Variants in KCNN2 observed in about 807,000 individuals in gnomAD.
The protein encoded by KCNN2 is potassium calcium-activated channel subfamily N member 2, also known as small conductance calcium-activated potassium channel protein 2.
Under a neutral mutation model 55.5 loss-of-function variants are expected in KCNN2, and 24 were observed. That is an observed-to-expected ratio of 0.43 (90% CI 0.31 to 0.61). KCNN2 has a LOEUF of 0.61. KCNN2 is among the 20% of genes least tolerant of loss of function. The pLI is 0.08. For synonymous variants in KCNN2, 431 were observed against 336.1 expected (o/e 1.28, Z -3.09); for missense variants, 754 against 853.6 (o/e 0.88, Z 1.45).
intron 1 of KCNN2, among the ~76,000 whole-genome samples, chr5:114,126,565 G>T (rs946205948): frequency 2.0e-5 from 3 of 152,114 alleles, no homozygotes; most frequent in Non-Finnish European, 4.4e-5. Flanking sequence ...GGCACATGGG[G>T]ATTATGGGAA....
chr5:114,336,545 C>T (rs10519381), intron 2 of KCNN2, among the ~76,000 whole-genome samples: 45,105 of 152,010 alleles, frequency 0.3, 7,028 homozygotes, highest in Non-Finnish European at 0.35. Context: ...TATACCAACA[C>T]TCACAAGCCT....
At chr5:114,302,453 G>C (rs1756185211) in intron 2 of KCNN2, among the ~76,000 whole-genome samples, 1 of 152,078 alleles carries the variant, frequency 6.6e-6, no homozygotes, top group Non-Finnish European at 1.5e-5. Flanking sequence ...TCTCCATCTA[G>C]TAGGAGAGCT....
chr5:114,393,768 A>G (rs1580784729), intron 2 of KCNN2, among the ~76,000 whole-genome samples: 2 of 151,874 alleles, frequency 1.3e-5, no homozygotes, highest in Admixed American at 1.3e-4. Context: ...AAATAATAGC[A>G]TGTACTTTGC....
chr5:114,158,466 G>T (rs1454769021), intron 1 of KCNN2, among the ~76,000 whole-genome samples: 2 of 152,054 alleles, frequency 1.3e-5, no homozygotes, highest in Non-Finnish European at 2.9e-5. Context: ...TTTTGGCTTA[G>T]GATTGACTTG....
chr5:114,315,200 G>C (rs1756475981), intron 2 of KCNN2, among the ~76,000 whole-genome samples: 1 of 152,062 alleles, frequency 6.6e-6, no homozygotes, highest in Admixed American at 6.6e-5. Context: ...TGTGTTGTGG[G>C]TTATGTTTCT....
intron 2 of KCNN2, among the ~76,000 whole-genome samples, chr5:114,304,429 C>G (rs1756227970): frequency 6.6e-6 from 1 of 152,170 alleles, no homozygotes; most frequent in Non-Finnish European, 1.5e-5. Flanking sequence ...GCTACTGAGC[C>G]TACCCACCCT....
chr5:114,082,871 A>C (rs187925542), intron 1 of KCNN2, among the ~76,000 whole-genome samples: 3 of 152,270 alleles, frequency 2.0e-5, no homozygotes, highest in Middle Eastern at 3.4e-3. Flanking sequence ...AATCATAGCC[A>C]CAGAAAGTAG....
intron 1 of KCNN2, among the ~76,000 whole-genome samples, chr5:114,109,511 T>G (rs1751552181): frequency 1.3e-5 from 2 of 152,034 alleles, no homozygotes; most frequent in African/African-American, 4.8e-5. Flanking sequence ...TCAACTAGTT[T>G]CAGGGATGAT....
chr5:114,177,148 T>TA (rs1034443902), intron 1 of KCNN2, among the ~76,000 whole-genome samples: 16 of 151,580 alleles, frequency 1.1e-4, no homozygotes, highest in Non-Finnish European at 4.4e-5. Flanking sequence ...CTGGTTTTTT[T>TA]TTTTTTTGAA....
intron 1 of KCNN2, among the ~76,000 whole-genome samples, chr5:114,194,240 A>G (rs1299928354): frequency 6.6e-6 from 1 of 152,128 alleles, no homozygotes; most frequent in African/African-American, 2.4e-5. Context: ...TGAGTTTTAT[A>G]GTAACTATTT....
At chr5:114,137,047 G>A (rs1157940498) in intron 1 of KCNN2, among the ~76,000 whole-genome samples, 2 of 152,028 alleles carry the variant, frequency 1.3e-5, no homozygotes, top group African/African-American at 4.8e-5. Context: ...GATAGAAACT[G>A]CTTTCATCTT....
intron 1 of KCNN2, among the ~76,000 whole-genome samples, chr5:114,067,773 T>G (rs1308591491): frequency 6.6e-6 from 1 of 152,216 alleles, no homozygotes; most frequent in Non-Finnish European, 1.5e-5. Context: ...GAATTTGATT[T>G]CTGTTTCATT....
intron 2 of KCNN2, among the ~76,000 whole-genome samples, chr5:114,281,141 C>T (rs1022539709): frequency 6.6e-6 from 1 of 152,084 alleles, no homozygotes; most frequent in Non-Finnish European, 1.5e-5. Flanking sequence ...CAGGTTTTGC[C>T]TTCCTAACAA....
intron 2 of KCNN2, among the ~76,000 whole-genome samples, chr5:114,282,385 A>G (rs1013244821): frequency 2.6e-5 from 4 of 152,256 alleles, no homozygotes; most frequent in South Asian, 2.1e-4. Context: ...TAGATGTTGC[A>G]GAGAACTTAA....
At chr5:114,125,009 C>T (rs1408593261) in intron 1 of KCNN2, among the ~76,000 whole-genome samples, 1 of 151,886 alleles carries the variant, frequency 6.6e-6, no homozygotes, top group East Asian at 1.9e-4. Context: ...TGTCCTCAGT[C>T]AATACAGTAG....
At chr5:114,381,937 G>A (rs1208215764) in intron 2 of KCNN2, among the ~76,000 whole-genome samples, 1 of 152,164 alleles carries the variant, frequency 6.6e-6, no homozygotes, top group South Asian at 2.1e-4. Flanking sequence ...ATGCAGGGAT[G>A]GGAGTTGGAT....
At chr5:114,285,312 A>G (rs967349460) in intron 2 of KCNN2, among the ~76,000 whole-genome samples, 4 of 149,054 alleles carry the variant, frequency 2.7e-5, no homozygotes, top group African/African-American at 4.9e-5. Flanking sequence ...AAAAAGAGAG[A>G]CAGTTGGCAA....
intron 2 of KCNN2, among the ~76,000 whole-genome samples, chr5:114,274,974 C>G (rs540024957): frequency 3.3e-5 from 5 of 152,182 alleles, no homozygotes; most frequent in Admixed American, 6.5e-5. Flanking sequence ...GTTGGTTTGT[C>G]ATAAATAGCT....
chr5:114,218,943 G>C (rs563035771), intron 1 of KCNN2, among the ~76,000 whole-genome samples: 63 of 152,294 alleles, frequency 4.1e-4, no homozygotes, highest in Non-Finnish European at 7.3e-4. Context: ...ACTCCTCATG[G>C]GAAGGAGCAT....
Sources: allele counts gnomAD v4.1 joint callset (sites outside exome capture counted in the v4.1 genomes callset), GRCh38; gene constraint gnomAD v4.1.1; transcripts MANE v1.5; gene names NCBI Gene and HGNC (gene_info 2026-07-23, HGNC 2026-07-21).